DHX9: variants seen among roughly 807,000 people sequenced by gnomAD.
The protein encoded by DHX9 is DExH-box helicase 9.
DHX9 carries 27 observed loss-of-function variants against 148.7 expected under a neutral mutation model. The ratio of observed to expected loss-of-function variants is 0.18; its 90% CI spans 0.13 to 0.25. DHX9 has a LOEUF of 0.25. DHX9 is among the 10% of genes least tolerant of loss of function. The probability of loss-of-function intolerance (pLI) is 1.00; values close to 1 mark genes in which losing one functional copy is unlikely to be tolerated. For missense variants in DHX9, 796 were observed against 1,559.6 expected, an observed-to-expected ratio of 0.51 and a Z score of 8.25; for synonymous variants, 529 against 516.6, an observed-to-expected ratio of 1.02 and a Z score of -0.33.
chr1:182,850,966 G>A (rs542840969), intron 3 of DHX9, among the ~76,000 whole-genome samples: 4 of 152,142 alleles, frequency 2.6e-5, no homozygotes, highest in African/African-American at 9.7e-5. Context: ...TTTTAGGTTG[G>A]TGTAGATAGA....
rs1413360693 is a variant in DHX9 at position 182,859,993 on chromosome 1, A to T, written c.1141A>T (p.Ile381Phe). The change falls in exon 12 of 28, where the codon ATC becomes TTC. Residue 381 changes from isoleucine (I) to phenylalanine (F), a missense_variant and splice_region_variant. Ile to Phe is a conservative substitution (Grantham distance 21). Around this residue, in one of 14 missense-constraint regions of DHX9, gnomAD observed 42 missense variants for 27.1 expected, o/e 1.55. Coordinates refer to ENST00000367549, the MANE Select transcript of DHX9 (RefSeq NM_001357.5). The part of the protein sequence containing the change: ...QLEQDHDLQA[I>F]LQERELLPVK... ...CTGAAGTGTGACTTTTCTAATGCAG[A>T]TCTTGCAGGAGAGAGAGTTACTGCC... is the stretch of plus-strand genomic sequence containing the variant. 2 of 1,607,298 alleles carry T rather than the reference A, an allele frequency of 1.2e-6. No homozygotes were observed. The highest frequency in any genetic ancestry group is 1.7e-6 in the Non-Finnish European group (2 of 1,177,038).
chr1:182,851,384 ACT>A (rs1668146741), intron 3 of DHX9, among the ~76,000 whole-genome samples: 1 of 152,160 alleles, frequency 6.6e-6, no homozygotes, highest in African/African-American at 2.4e-5. Context: ...GTCTGGCAAA[ACT>A]CTGGAGTGGT....
chr1:182,860,187 A>G lies in DHX9; in HGVS notation c.1332+3A>G, dbSNP rs1200819476. Reference sequence around the variant, plus strand: ...AGTGTAACATCGTAGTAACTCAGGTAAGTGGTAAACCAACCATGAAATACC... The same window carrying G: ...AGTGTAACATCGTAGTAACTCAGGTGAGTGGTAAACCAACCATGAAATACC... On this transcript the variant is annotated splice_donor_region_variant and intron_variant, in intron 12 of 27. Transcript: ENST00000367549. The G allele has an allele frequency of 1.9e-6, 3 of 1,587,694 alleles. No individual in the cohort carries two copies. In the African/African-American group the frequency reaches 4.1e-5, roughly 22 times the overall value.
rs775635627 is a variant in DHX9 at position 182,887,217 on chromosome 1, A to T, written c.3596A>T (p.Tyr1199Phe). 1 of 1,614,086 alleles carries T rather than the reference A, an allele frequency of 6.2e-7. No individual in the cohort carries two copies. Among genetic ancestry groups the T allele is most frequent in the South Asian group, 1.1e-5 (1 of 91,078 alleles). ...YSSGGYGSGG[Y>F]GGSANSFRAG... ...AGTGGAGGCTATGGTAGCGGAGGCT[A>T]TGGTGGCAGCGCCAACTCCTTTCGG... The change falls in exon 28 of 28, where the codon TAT becomes TTT. Residue 1199 changes from tyrosine to phenylalanine, a missense_variant. Physicochemically the swap from Tyr to Phe is conservative, Grantham distance 22. Transcript: ENST00000367549.
chr1:182,858,536 A>T lies in DHX9; in HGVS notation c.811-15A>T. On this transcript the variant is annotated splice_polypyrimidine_tract_variant and intron_variant, in intron 8 of 27. Coordinates refer to ENST00000367549, the MANE Select transcript of DHX9 (RefSeq NM_001357.5). ...ATTTGAGTAGTGTTGTTAATGTGTG[A>T]TCCTTTTTCCATAGGTGGAGCCTTA... 6.3e-7 allele frequency: 1 copy of T among 1,595,746 alleles called. No individual in the cohort carries two copies. The highest frequency in any genetic ancestry group is 2.2e-5 in the East Asian group (1 of 44,620).
chr1:182,840,299 CTT>C (rs572795237), intron 1 of DHX9, among the ~76,000 whole-genome samples: 29 of 105,518 alleles, frequency 2.7e-4, no homozygotes, highest in African/African-American at 9.7e-4. Context: ...ATTCTTGCGC[CTT>C]TTTTTTTTTT....
chr1:182,858,825 T>C lies in DHX9; in HGVS notation c.993T>C (p.Pro331=). 3.1e-6 allele frequency: 5 copies of C among 1,614,232 alleles called. No individual in the cohort carries two copies. The highest frequency in any genetic ancestry group is 4.2e-6 in the Non-Finnish European group (5 of 1,180,034). The change falls in exon 10 of 28, where the codon CCT becomes CCC. Residue 331 remains proline, a synonymous_variant. Coordinates refer to ENST00000367549, the MANE Select transcript of DHX9 (RefSeq NM_001357.5). ...GACAAAACCAAGTGGGTGTGGTTCC[T>C]TGGTCACCTCCACAATCCAACTGGA... ...SQRQNQVGVV[P]WSPPQSNWNP... is the part of the protein sequence containing the mutation.
chr1:182,853,475 A>C, intron 5 of DHX9, 57 bp downstream of exon 5: 1 of 1,303,782 alleles, frequency 7.7e-7, no homozygotes, highest in Non-Finnish European at 1.1e-6. Flanking sequence ...CTTAGTTAAC[A>C]GCAAAGCTTA....
In DHX9 at chr1:182,852,348, AGG is replaced by A; in HGVS notation, c.364+6_364+7del. 5 of 1,591,948 alleles carry A rather than the reference AGG, an allele frequency of 3.1e-6. No homozygotes were observed. The highest frequency in any genetic ancestry group is 4.3e-6 in the Non-Finnish European group (5 of 1,164,302). ...CCACATCTGGCTCTCAAAGCAGGTA[AGG>A]GACTTGAATCCATGCACGTGGTGGA... On this transcript the variant is annotated splice_donor_5th_base_variant and intron_variant, in intron 4 of 27. Coordinates refer to ENST00000367549, the MANE Select transcript of DHX9 (RefSeq NM_001357.5).
chr1:182,857,783 C>G (rs1004107153), intron 7 of DHX9, among the ~76,000 whole-genome samples: 6 of 152,198 alleles, frequency 3.9e-5, no homozygotes, highest in Non-Finnish European at 8.8e-5. Context: ...TTTGTCTTTT[C>G]AAACTATGTT....
chr1:182,843,275 CTTTT>C lies in DHX9; in HGVS notation c.112-8_112-5del. ...AATTACCCAGGTCAGTCTCTTAGTA[CTTTT>C]TTTTTTTTTTAAAGGTTCAGGTGGA... On this transcript the variant is annotated splice_polypyrimidine_tract_variant and intron_variant, in intron 2 of 27. Transcript: ENST00000367549. The C allele has an allele frequency of 7.9e-7, 1 of 1,263,134 alleles. No homozygotes were observed. The highest frequency in any genetic ancestry group is 1.6e-5 in the African/African-American group (1 of 64,220). 78.2% of individuals were successfully genotyped at this position (1,263,134 alleles called of 1,614,324 possible).
intron 2 of DHX9, 119 bp downstream of exon 2, chr1:182,842,796 A>G: frequency 1.5e-6 from 1 of 663,580 alleles, no homozygotes. Context: ...ACAGTTCTTT[A>G]TTGTGACTTG....
rs1160479042 is a variant in DHX9, at chr1:182,859,964, TTGACTGAAGTG to T, written c.1141-23_1141-13del. 6.3e-7 allele frequency: 1 copy of T among 1,587,650 alleles called. No individual in the cohort carries two copies. Among genetic ancestry groups the T allele is most frequent in the East Asian group, 2.2e-5 (1 of 44,662 alleles). On this transcript the variant is annotated intron_variant, in intron 11 of 27. Transcript: ENST00000367549. ...TTGCTTCTAATGTGTTGGTAGACAT[TTGACTGAAGTG>T]TGACTTTTCTAATGCAGATCTTGCA...
At chr1:182,866,712 T>G in intron 13 of DHX9, 127 bp downstream of exon 13, 1 of 1,226,894 alleles carries the variant, frequency 8.2e-7, no homozygotes, top group Non-Finnish European at 1.1e-6. Context: ...AAATAAAACT[T>G]TTGGCAGTTT....
At chr1:182,858,962 T>C in intron 10 of DHX9, 68 bp downstream of exon 10, 1 of 1,610,022 alleles carries the variant, frequency 6.2e-7, no homozygotes, top group Non-Finnish European at 8.5e-7. Flanking sequence ...TTGATTAGTA[T>C]GTCTAGGTAA....
At chr1:182,862,044 TTTA>T (rs1420603997) in intron 12 of DHX9, among the ~76,000 whole-genome samples, 1 of 151,276 alleles carries the variant, frequency 6.6e-6, no homozygotes, top group African/African-American at 2.5e-5. Flanking sequence ...AATACAGTTT[TTTA>T]TTATTTTTGT....
chr1:182,872,096 G>C (rs530132657), intron 14 of DHX9, among the ~76,000 whole-genome samples: 12 of 152,180 alleles, frequency 7.9e-5, no homozygotes, highest in Non-Finnish European at 1.6e-4. Flanking sequence ...GTGAGCCACT[G>C]GGCCTGGCCA....
intron 3 of DHX9, among the ~76,000 whole-genome samples, chr1:182,851,819 A>T (rs965435827): frequency 6.6e-6 from 1 of 152,212 alleles, no homozygotes; most frequent in Non-Finnish European, 1.5e-5. Context: ...GCTTTTGAAA[A>T]AGTATTTGAT....
chr1:182,858,981 T>A, intron 10 of DHX9, 59 bp from the exon 11 acceptor site: 1 of 1,610,944 alleles, frequency 6.2e-7, no homozygotes, highest in Non-Finnish European at 8.5e-7. Flanking sequence ...AAAAAATGGA[T>A]TTATTTTGAA....
Sources: allele counts gnomAD v4.1 joint callset (sites outside exome capture counted in the v4.1 genomes callset), GRCh38; gene constraint gnomAD v4.1.1; regional missense constraint gnomAD v4.1.1; transcripts MANE v1.5; gene names NCBI Gene and HGNC (gene_info 2026-07-23, HGNC 2026-07-21).